The following CACNA2D4 variants were observed in gnomAD, a reference collection of about 807,000 sequenced individuals.
CACNA2D4 encodes the protein calcium voltage-gated channel auxiliary subunit alpha2delta 4.
A neutral mutation model predicts 163.8 loss-of-function variants in CACNA2D4; 157 were observed. The ratio of observed to expected loss-of-function variants is 0.96; its 90% CI spans 0.84 to 1.09. The LOEUF is 1.09. Ranked by LOEUF, CACNA2D4 falls within the 50% of genes least tolerant of loss-of-function variation. The pLI is 0.00. For synonymous variants in CACNA2D4, 598 were observed against 586.9 expected, an observed-to-expected ratio of 1.02 and a Z score of -0.27; for missense variants, 1,410 against 1,479.9, an observed-to-expected ratio of 0.95 and a Z score of 0.78.
intron 26 of CACNA2D4, among the ~76,000 whole-genome samples, chr12:1,830,240 T>A (rs1222770149): frequency 1.3e-5 from 2 of 152,254 alleles, no homozygotes; most frequent in African/African-American, 4.8e-5. Context: ...TCTTAGCCTG[T>A]CACTCCCACA....
At chr12:1,826,401 C>CA (rs1491459894) in intron 26 of CACNA2D4, among the ~76,000 whole-genome samples, 4 of 13,798 alleles carry the variant, frequency 2.9e-4, no homozygotes, top group East Asian at 5.6e-3. Flanking sequence ...GAACCCAGAG[C>CA]CCCCCCCCCC....
At chr12:1,800,616 C>T (rs1438519531) in intron 31 of CACNA2D4, 178 bp from the exon 32 acceptor site, 1 of 634,128 alleles carries the variant, frequency 1.6e-6, no homozygotes, top group Non-Finnish European at 2.8e-6. Context: ...CTCCCACCTG[C>T]CCTGCAGAGC....
Position 1,884,973 on chromosome 12 carries a change from A to G in CACNA2D4, c.1158+14T>C, listed in dbSNP as rs1382855074. ...TCCCAGTCCTCCCCTCCCAGGCCTC[A>G]TTACAGTGGGCACCTGCTTCAGGAT... On this transcript the variant is annotated intron_variant, in intron 10 of 37. Transcript: ENST00000382722. 1 of 1,612,446 alleles carries G rather than the reference A, an allele frequency of 6.2e-7. No homozygotes were observed. Among genetic ancestry groups the G allele is most frequent in the Non-Finnish European group, 8.5e-7 (1 of 1,178,616 alleles).
At position 1,806,943 on chromosome 12, in the gene CACNA2D4, G is replaced by T. The variant is rs1863558199; in HGVS notation, c.2721+3335C>A. 6.6e-6 allele frequency among the ~76,000 whole-genome samples: 1 copy of T among 152,064 alleles called. No homozygotes were observed. Among genetic ancestry groups the T allele is most frequent in the South Asian group, 2.1e-4 (1 of 4,838 alleles). Reference sequence around the variant, plus strand: ...TGGCACTTGTGTGTTTGGGGAAGAGGGGCAGGTTTGGGTCGGTTGGTGGGA... The same window carrying T: ...TGGCACTTGTGTGTTTGGGGAAGAGTGGCAGGTTTGGGTCGGTTGGTGGGA... On this transcript the variant is annotated intron_variant, in intron 29 of 37. Coordinates refer to ENST00000382722, the MANE Select transcript of CACNA2D4 (RefSeq NM_172364.5). The surrounding 1 kb of genome is among the most constrained non-coding windows in gnomAD (Gnocchi z 4.1).
rs76049650 is a variant in CACNA2D4 at position 1,911,845 on chromosome 12, C to T, written c.426+1178G>A. On this transcript the variant is annotated intron_variant, in intron 3 of 37. Coordinates refer to ENST00000382722, the MANE Select transcript of CACNA2D4 (RefSeq NM_172364.5). Reference sequence around the variant, plus strand: ...TGATCCAAGGAGGCTGTTTACACAACGCTCACTGATTGAAAGAGGCAGGTG... The same window carrying T: ...TGATCCAAGGAGGCTGTTTACACAATGCTCACTGATTGAAAGAGGCAGGTG... Among the ~76,000 whole-genome samples the T allele has an allele frequency of 8.5e-4, 130 of 152,304 alleles. 1 individual carries two copies. The highest frequency in any genetic ancestry group is 2.9e-3 in the African/African-American group (121 of 41,558).
chr12:1,801,104 T>C lies in CACNA2D4; in HGVS notation c.2807A>G (p.Asp936Gly). ...MGVFSQVTMY[D>G]YQAMCKPSSH... is the part of the protein sequence containing the mutation. ...CGAGGGTTTGCACATGGCCTGATAG[T>C]CATACATAGTCACTCTGAAAATCAG... Residue 936 changes from aspartate (D) to glycine (G), a missense_variant, in exon 31 of 38, where the codon GAC becomes GGC. Physicochemically the swap from Asp to Gly is moderately conservative, Grantham distance 94 (BLOSUM62 -1). Coordinates refer to ENST00000382722, the MANE Select transcript of CACNA2D4 (RefSeq NM_172364.5). The C allele has an allele frequency of 4.3e-6, 7 of 1,613,766 alleles. No homozygotes were observed. Among genetic ancestry groups the C allele is most frequent in the Non-Finnish European group, 5.9e-6 (7 of 1,179,812 alleles).
At chr12:1,835,982 CG>C (rs1864843579) in intron 26 of CACNA2D4, 1 of 152,344 alleles carries the variant, frequency 6.6e-6, no homozygotes, top group South Asian at 2.1e-4. Context: ...GCAGAGAACA[CG>C]GTGGCTCCCC....
intron 26 of CACNA2D4, among the ~76,000 whole-genome samples, chr12:1,824,982 A>G (rs1864256669): frequency 6.6e-6 from 1 of 152,204 alleles, no homozygotes; most frequent in African/African-American, 2.4e-5. Context: ...CTGCTAAGAG[A>G]GCACAGGGCA....
chr12:1,863,984 TGCC>T (rs1865584677), intron 18 of CACNA2D4, among the ~76,000 whole-genome samples: 1 of 152,128 alleles, frequency 6.6e-6, no homozygotes, highest in African/African-American at 2.4e-5. Context: ...CGGGAGGACA[TGCC>T]ACCAGGTGCC....
rs149357065 is a variant in CACNA2D4, at chr12:1,807,299, T to A, written c.2721+2979A>T. On this transcript the variant is annotated intron_variant, in intron 29 of 37. Coordinates refer to ENST00000382722, the MANE Select transcript of CACNA2D4 (RefSeq NM_172364.5). ...CTGCCAACGTGTGACCAGATGCAGA[T>A]CCTTCTCCAGTCAAGCCTGGACATG... Among the ~76,000 whole-genome samples, 1,035 of 151,520 alleles carry A rather than the reference T, an allele frequency of 6.8e-3. 14 individuals carry two copies. The highest frequency in any genetic ancestry group is 0.024 in the African/African-American group (992 of 41,288).
rs767683011 is a variant in CACNA2D4, at chr12:1,828,958, G to C, written c.2551+11781C>G. On this transcript the variant is annotated intron_variant, in intron 26 of 37. Coordinates refer to ENST00000382722, the MANE Select transcript of CACNA2D4 (RefSeq NM_172364.5). The surrounding 1 kb of genome is among the most constrained non-coding windows in gnomAD (Gnocchi z 4.2). ...GGCTACACGGTGGCAGGGAGGAAAC[G>C]GTCCCGCGGGACGGCATTCCGCCTG... Among the ~76,000 whole-genome samples, 1 of 152,202 alleles carries C rather than the reference G, an allele frequency of 6.6e-6. No individual in the cohort carries two copies. Among genetic ancestry groups the C allele is most frequent in the Admixed American group, 6.5e-5 (1 of 15,290 alleles).
intron 35 of CACNA2D4, among the ~76,000 whole-genome samples, chr12:1,796,281 C>T (rs1298031827): frequency 6.6e-6 from 1 of 152,242 alleles, no homozygotes; most frequent in African/African-American, 2.4e-5. Context: ...CCACGGCCTT[C>T]CCAGCAGTCC....
chr12:1,795,129 AT>A (rs1863074258), intron 37 of CACNA2D4, 169 bp downstream of exon 37: 1 of 607,742 alleles, frequency 1.6e-6, no homozygotes, highest in South Asian at 2.0e-5. Context: ...TCTGTTTCTT[AT>A]TATATCACAG....
chr12:1,877,275 C>T (rs1462542327), intron 16 of CACNA2D4, among the ~76,000 whole-genome samples: 2 of 152,158 alleles, frequency 1.3e-5, no homozygotes, highest in East Asian at 3.8e-4. Context: ...GATCAGTACC[C>T]CTCAATTCTA....
At chr12:1,889,840 A>G (rs1404378551) in intron 6 of CACNA2D4, among the ~76,000 whole-genome samples, 1 of 152,238 alleles carries the variant, frequency 6.6e-6, no homozygotes, top group Non-Finnish European at 1.5e-5. Context: ...AAAAAATAAG[A>G]TAATAGACTT....
Position 1,799,637 on chromosome 12 carries a change from C to T in CACNA2D4, c.2995+38G>A, listed in dbSNP as rs1353376573. ...TTGTAGCTCCTGCTGCGTCCCCAAC[C>T]CACCGCCAGCAGGGATGGCCTCAGC... On this transcript the variant is annotated intron_variant, in intron 34 of 37. Coordinates refer to ENST00000382722, the MANE Select transcript of CACNA2D4 (RefSeq NM_172364.5). This position sits in a 1 kb window ranked among gnomAD's most constrained non-coding sequence, Gnocchi z 4.7. 7.7e-6 allele frequency: 12 copies of T among 1,558,486 alleles called. No homozygotes were observed. The Admixed American group carries it at 2.3e-4, about 30-fold the overall frequency.
In CACNA2D4 at chr12:1,797,486, G is replaced by T. The variant is rs1178449456; in HGVS notation, c.3045C>A (p.Tyr1015Ter). The T allele has an allele frequency of 2.5e-6, 4 of 1,585,786 alleles. No individual in the cohort carries two copies. The highest frequency in any genetic ancestry group is 3.4e-6 in the Non-Finnish European group (4 of 1,168,188). Residue 1015 changes from tyrosine to a stop codon, truncating the protein, a stop_gained, in exon 35 of 38, where the codon TAC becomes TAA. Coordinates refer to ENST00000382722, the MANE Select transcript of CACNA2D4 (RefSeq NM_172364.5). LOFTEE classifies it high-confidence loss of function. Reference sequence around the variant, plus strand: ...TGGCCGGCTGGTACACGAACACGGGGTACTCCGTGTCGCAGGGCTGCAGCG... The same window carrying T: ...TGGCCGGCTGGTACACGAACACGGGTTACTCCGTGTCGCAGGGCTGCAGCG... The part of the protein sequence containing the change: ...QDPLQPCDTE[Y>*]PVFVYQPAIR...
In CACNA2D4 at chr12:1,822,828, C is replaced by T. The variant is rs573095347; in HGVS notation, c.2552-11105G>A. Among the ~76,000 whole-genome samples the T allele has an allele frequency of 7.9e-5, 12 of 152,172 alleles. No individual in the cohort carries two copies. The East Asian group carries it at 1.5e-3, about 20-fold the overall frequency. ...AGCGGTAGGCGGAGCCCAGCCTAGA[C>T]GGCTGTGGCAGCCTCCCCTGCGTCC... On this transcript the variant is annotated intron_variant, in intron 26 of 37. Coordinates refer to ENST00000382722, the MANE Select transcript of CACNA2D4 (RefSeq NM_172364.5).
chr12:1,852,107 G>T (rs1360337940), intron 23 of CACNA2D4, among the ~76,000 whole-genome samples: 1 of 151,734 alleles, frequency 6.6e-6, no homozygotes, highest in Non-Finnish European at 1.5e-5. Context: ...TCTCTCATTG[G>T]GTATAGTAAT....
Sources: allele counts gnomAD v4.1 joint callset (sites outside exome capture counted in the v4.1 genomes callset), GRCh38; gene constraint gnomAD v4.1.1; non-coding constraint Gnocchi (gnomAD v3.1); transcripts MANE v1.5; gene names NCBI Gene and HGNC (gene_info 2026-07-23, HGNC 2026-07-21).